The following SHC4 variants were observed in gnomAD, a reference collection of about 807,000 sequenced individuals.
SHC4 encodes the protein SHC adaptor protein 4, also known as SHC-transforming protein 4.
In SHC4, 41 loss-of-function variants were observed where a neutral mutation model predicts 69.4. The ratio of observed to expected loss-of-function variants is 0.59; its 90% confidence interval spans 0.46 to 0.77. The LOEUF is 0.77. Ranked by LOEUF, SHC4 falls within the 30% of genes least tolerant of loss-of-function variation. The pLI, the probability that SHC4 is intolerant of heterozygous loss-of-function variation, is 0.00. For synonymous variants in SHC4, 318 were observed against 299.3 expected (o/e 1.06, Z -0.64); for missense variants, 777 against 783.8 (o/e 0.99, Z 0.10).
At chr15:48,849,359 A>G (rs911528038) in intron 9 of SHC4, among the ~76,000 whole-genome samples, 1 of 152,010 alleles carries the variant, frequency 6.6e-6, no homozygotes, top group Admixed American at 6.5e-5. Flanking sequence ...GAGCCTCTAC[A>G]GCCTCCCCAA....
chr15:48,955,552 G>C (rs1901439150), intron 1 of SHC4, among the ~76,000 whole-genome samples: 1 of 152,174 alleles, frequency 6.6e-6, no homozygotes, highest in Non-Finnish European at 1.5e-5. Flanking sequence ...CCATGCATGT[G>C]GTAACAAGTC....
At chr15:48,903,746 C>T (rs1042707288) in intron 2 of SHC4, among the ~76,000 whole-genome samples, 6 of 152,208 alleles carry the variant, frequency 3.9e-5, no homozygotes, top group East Asian at 3.9e-4. Flanking sequence ...TCCAATATTA[C>T]GTGTTTGTTT....
At chr15:48,844,560 G>T (rs988248926) in intron 9 of SHC4, among the ~76,000 whole-genome samples, 1 of 152,146 alleles carries the variant, frequency 6.6e-6, no homozygotes, top group Non-Finnish European at 1.5e-5. Flanking sequence ...CTTTAGGAAG[G>T]CCTTCCCTGA....
intron 10 of SHC4, among the ~76,000 whole-genome samples, chr15:48,840,837 C>A (rs1159802778): frequency 1.3e-5 from 2 of 151,962 alleles, no homozygotes; most frequent in Non-Finnish European, 1.5e-5. Context: ...TACATTAAAT[C>A]CTAATAGGAA....
chr15:48,902,992 AT>A (rs1019607288), intron 2 of SHC4, among the ~76,000 whole-genome samples: 3 of 152,210 alleles, frequency 2.0e-5, no homozygotes, highest in African/African-American at 7.2e-5. Context: ...TCAAGAACCT[AT>A]TTTGTCACAG....
chr15:48,863,363 C>T (rs1291312893), intron 6 of SHC4, among the ~76,000 whole-genome samples: 4 of 152,068 alleles, frequency 2.6e-5, no homozygotes, highest in Non-Finnish European at 5.9e-5. Context: ...ATGTTTTTTG[C>T]ATTAACAGCA....
intron 2 of SHC4, among the ~76,000 whole-genome samples, chr15:48,901,564 A>T (rs1286362749): frequency 6.6e-6 from 1 of 152,228 alleles, no homozygotes; most frequent in Non-Finnish European, 1.5e-5. Context: ...ATTAAGTGAT[A>T]CTATGTACAT....
chr15:48,924,416 A>T (rs1232147238), intron 2 of SHC4, among the ~76,000 whole-genome samples: 1 of 152,144 alleles, frequency 6.6e-6, no homozygotes, highest in Non-Finnish European at 1.5e-5. Flanking sequence ...CCCTGATTCC[A>T]CTGTTCCATC....
At chr15:48,887,889 T>G (rs554425936) in intron 3 of SHC4, among the ~76,000 whole-genome samples, 1 of 152,148 alleles carries the variant, frequency 6.6e-6, no homozygotes, top group Non-Finnish European at 1.5e-5. Flanking sequence ...TGCCAACAAA[T>G]TGGAGAATCT....
chr15:48,921,028 A>T (rs1347280383), intron 2 of SHC4, among the ~76,000 whole-genome samples: 1 of 152,204 alleles, frequency 6.6e-6, no homozygotes, highest in African/African-American at 2.4e-5. Context: ...AATGTTATGC[A>T]GTCATTAAAA....
chr15:48,865,745 C>T (rs1899547271), intron 6 of SHC4, among the ~76,000 whole-genome samples: 1 of 152,152 alleles, frequency 6.6e-6, no homozygotes, highest in Non-Finnish European at 1.5e-5. Context: ...ACCTCCCATC[C>T]AGGACCTCGC....
intron 1 of SHC4, 95 bp from the exon 2 acceptor site, chr15:48,925,044 A>G: frequency 7.9e-7 from 1 of 1,273,332 alleles, no homozygotes; most frequent in Non-Finnish European, 1.1e-6. Context: ...ACCTAAAATC[A>G]GCTTCTGCTA....
intron 3 of SHC4, among the ~76,000 whole-genome samples, chr15:48,889,154 G>T (rs1380652562): frequency 2.0e-5 from 3 of 152,162 alleles, no homozygotes; most frequent in Non-Finnish European, 4.4e-5. Flanking sequence ...AGAATATCTT[G>T]CCTGGTAGCT....
chr15:48,917,817 CTG>C (rs1446123436), intron 2 of SHC4, among the ~76,000 whole-genome samples: 4 of 152,156 alleles, frequency 2.6e-5, no homozygotes, highest in Admixed American at 1.3e-4. Context: ...TGTTCTAAGT[CTG>C]TGGATTCAGC....
chr15:48,906,852 A>G (rs1344157909), intron 2 of SHC4, among the ~76,000 whole-genome samples: 1 of 152,196 alleles, frequency 6.6e-6, no homozygotes, highest in African/African-American at 2.4e-5. Flanking sequence ...GGGCAAGCAG[A>G]TGAACTGAAA....
chr15:48,878,076 G>T (rs1410628110), intron 4 of SHC4: 12 of 1,458,286 alleles, frequency 8.2e-6, no homozygotes, highest in Admixed American at 4.6e-5. Context: ...CTGCGCGCGG[G>T]GTTACGCAAG....
chr15:48,944,599 C>T (rs1901240583), intron 1 of SHC4, among the ~76,000 whole-genome samples: 1 of 152,162 alleles, frequency 6.6e-6, no homozygotes, highest in Admixed American at 6.5e-5. Flanking sequence ...GACTGAATCC[C>T]TGGCCAACCT....
In SHC4 at chr15:48,825,260, T is replaced by C. The variant is rs1898665380; in HGVS notation, c.*711A>G. On this transcript the variant is annotated 3_prime_UTR_variant, in exon 12 of 12. Transcript: ENST00000332408. ...TTGGCTTCTTCAGCTTGTCACATGC[T>C]GTATTTAGACAGTCTGAATAGCAAA... 1 of 152,158 alleles carries C rather than the reference T, an allele frequency of 6.6e-6. No homozygotes were observed. Among genetic ancestry groups the C allele is most frequent in the South Asian group, 2.1e-4 (1 of 4,824 alleles). The allele number at this position is 152,158 out of a possible 1,614,324, so 9.4% of individuals were successfully genotyped here. A position where few individuals can be genotyped will look rare whatever the true frequency, so the allele number is the denominator to read the frequency against.
intron 2 of SHC4, among the ~76,000 whole-genome samples, chr15:48,911,592 A>G (rs1010496886): frequency 2.0e-5 from 3 of 152,038 alleles, no homozygotes; most frequent in Non-Finnish European, 4.4e-5. Context: ...TGAGGTTTAG[A>G]TTGAAGAGCA....
Sources: allele counts gnomAD v4.1 joint callset (sites outside exome capture counted in the v4.1 genomes callset), GRCh38; gene constraint gnomAD v4.1.1; transcripts MANE v1.5; gene names NCBI Gene and HGNC (gene_info 2026-07-23, HGNC 2026-07-21).